SUCO: variants seen among roughly 807,000 people sequenced by gnomAD.
SUCO encodes SUN domain containing ossification factor.
In SUCO, 57 loss-of-function variants were observed where a neutral mutation model predicts 148.1. The observed-to-expected ratio is 0.38, with a 90% CI of 0.31 to 0.48. The LOEUF (loss-of-function observed/expected upper bound fraction) is 0.48. Among genes scored for constraint, SUCO ranks in the 20% least tolerant of loss-of-function variants. The pLI is 0.96. For synonymous variants in SUCO, 470 were observed against 502.7 expected, an observed-to-expected ratio of 0.93 and a Z score of 0.87; for missense variants, 1,331 against 1,468.2, an observed-to-expected ratio of 0.91 and a Z score of 1.53.
At chr1:172,554,409 C>T (rs548298658) in intron 3 of SUCO, among the ~76,000 whole-genome samples, 8 of 152,254 alleles carry the variant, frequency 5.3e-5, no homozygotes, top group African/African-American at 1.9e-4. Flanking sequence ...GGCCATTAAG[C>T]ACTTGAAATG....
At chr1:172,551,145 G>T (rs1653267521) in intron 1 of SUCO, among the ~76,000 whole-genome samples, 1 of 152,002 alleles carries the variant, frequency 6.6e-6, no homozygotes, top group Non-Finnish European at 1.5e-5. Context: ...GGTAACTTTA[G>T]GATTATCTGT....
intron 6 of SUCO, among the ~76,000 whole-genome samples, chr1:172,566,112 T>C (rs1654535887): frequency 6.6e-6 from 1 of 152,202 alleles, no homozygotes; most frequent in Admixed American, 6.5e-5. Flanking sequence ...GCAGTGGCAT[T>C]ATGGCCACTT....
intron 1 of SUCO, chr1:172,541,858 A>G (rs985145689): frequency 1.0e-6 from 1 of 982,244 alleles, no homozygotes; most frequent in Admixed American, 6.1e-5. Flanking sequence ...AATCTGTGAA[A>G]TAAAGTTCAA....
At chr1:172,581,815 T>A (rs946280510) in intron 15 of SUCO, among the ~76,000 whole-genome samples, 4 of 152,214 alleles carry the variant, frequency 2.6e-5, no homozygotes, top group African/African-American at 9.6e-5. Context: ...TTACTAGTTA[T>A]AGGAAATATG....
intron 6 of SUCO, among the ~76,000 whole-genome samples, chr1:172,559,610 A>T (rs1179991011): frequency 6.6e-6 from 1 of 152,204 alleles, no homozygotes; most frequent in African/African-American, 2.4e-5. Context: ...TTGTGCCCAG[A>T]ATAGCAGCTC....
At chr1:172,579,572 A>G (rs1418548900) in intron 15 of SUCO, among the ~76,000 whole-genome samples, 2 of 152,084 alleles carry the variant, frequency 1.3e-5, no homozygotes, top group Non-Finnish European at 2.9e-5. Flanking sequence ...AGAATTATTA[A>G]AACAGTCATA....
chr1:172,579,036 T>G (rs1199000862), intron 14 of SUCO, among the ~76,000 whole-genome samples, 166 bp from the exon 15 acceptor site: 1 of 152,102 alleles, frequency 6.6e-6, no homozygotes, highest in Non-Finnish European at 1.5e-5. Context: ...AAATGGTTTC[T>G]TAATCTTACA....
At chr1:172,537,281 G>GA (rs897836786) in intron 1 of SUCO, among the ~76,000 whole-genome samples, 2 of 151,870 alleles carry the variant, frequency 1.3e-5, no homozygotes, top group Admixed American at 6.6e-5. Context: ...AGAAAAATGA[G>GA]AAAAAAATAA....
At chr1:172,532,792 A>G (rs375093898), upstream of SUCO, 1 of 1,609,310 alleles carries the variant, frequency 6.2e-7, no homozygotes, top group Non-Finnish European at 8.5e-7. Flanking sequence ...CGCGCGAGGG[A>G]CGAAGGGCGG....
chr1:172,579,191 GTTT>G lies in SUCO; in HGVS notation c.1433-8_1433-6del. The G allele has an allele frequency of 2.0e-6, 3 of 1,519,852 alleles. No individual in the cohort carries two copies. The highest frequency in any genetic ancestry group is 2.7e-6 in the Non-Finnish European group (3 of 1,099,172). The allele number at this position is 1,519,852 out of a possible 1,614,324, so 94.1% of individuals were successfully genotyped here. A position where few individuals can be genotyped will look rare whatever the true frequency, so the allele number is the denominator to read the frequency against. On this transcript the variant is annotated splice_polypyrimidine_tract_variant and splice_region_variant and intron_variant, in intron 14 of 23. Transcript: ENST00000263688. ...TCTCAGCATAATTACTTTTATTTTC[GTTT>G]TTAACAGATTATCCACTGGATTATA...
intron 15 of SUCO, among the ~76,000 whole-genome samples, chr1:172,584,078 C>T (rs887181766): frequency 1.3e-5 from 2 of 152,102 alleles, no homozygotes; most frequent in African/African-American, 4.8e-5. Flanking sequence ...AATTTGTATG[C>T]TTTATGATTT....
At position 172,533,452 on chromosome 1, in the gene SUCO, G is replaced by C. The variant is rs912562250; in HGVS notation, c.17G>C (p.Arg6Pro). Reference protein sequence around the residue: MKKHRRALALVSCLFL... With the variant: MKKHRPALALVSCLFL... ...GAGGAGAAGATGAAGAAGCACCGGC[G>C]GGCCTTGGCCCTGGTCTCCTGCCTC... Residue 6 changes from arginine to proline, a missense_variant, in exon 1 of 24, where the codon CGG (arginine) becomes CCG (proline). Transcript: ENST00000263688. 1.3e-6 allele frequency: 2 copies of C among 1,565,896 alleles called. No individual in the cohort carries two copies. The highest frequency in any genetic ancestry group is 1.7e-6 in the Non-Finnish European group (2 of 1,155,028).
chr1:172,597,350 G>A (rs954501000), intron 19 of SUCO, among the ~76,000 whole-genome samples: 6 of 152,196 alleles, frequency 3.9e-5, no homozygotes, highest in Admixed American at 1.3e-4. Flanking sequence ...GAAATCACCC[G>A]TCTTCTGCGT....
chr1:172,551,424 C>A, intron 1 of SUCO, 88 bp from the exon 2 acceptor site: 1 of 707,068 alleles, frequency 1.4e-6, no homozygotes, highest in South Asian at 2.1e-5. Context: ...AAATTCTAGC[C>A]CATATAGAAA....
intron 14 of SUCO, 75 bp from the exon 15 acceptor site, chr1:172,579,101 TAAATGTCAGCTGACTTTGACAGGACA>T: frequency 1.5e-6 from 1 of 661,776 alleles, no homozygotes; most frequent in South Asian, 1.8e-5. Context: ...TAAAATGTTT[TAAATGTCAGCTGACTTTGACAGGACA>T]TAATTTGAGC....
intron 22 of SUCO, among the ~76,000 whole-genome samples, chr1:172,603,397 ATATTT>A (rs1277019600): frequency 6.6e-5 from 10 of 152,138 alleles, no homozygotes; most frequent in African/African-American, 2.2e-4. Flanking sequence ...AATTAATTAC[ATATTT>A]TATTTAGGAG....
chr1:172,588,554 G>T, intron 17 of SUCO: 2 of 985,104 alleles, frequency 2.0e-6, no homozygotes, highest in Non-Finnish European at 1.2e-6. Flanking sequence ...CTAGTCACTT[G>T]ATAAATAGTA....
At chr1:172,547,936 A>G (rs1412163757) in intron 1 of SUCO, among the ~76,000 whole-genome samples, 1 of 152,116 alleles carries the variant, frequency 6.6e-6, no homozygotes, top group Admixed American at 6.5e-5. Context: ...ATGAGTGAGC[A>G]TGGGCAAATG....
At chr1:172,553,101 A>C (rs1192754449) in intron 2 of SUCO, 159 bp from the exon 3 acceptor site, 1 of 424,856 alleles carries the variant, frequency 2.4e-6, no homozygotes, top group Non-Finnish European at 3.1e-6. Context: ...GATTCAAGGA[A>C]ATAGACAATA....
Sources: allele counts gnomAD v4.1 joint callset (sites outside exome capture counted in the v4.1 genomes callset), GRCh38; gene constraint gnomAD v4.1.1; transcripts MANE v1.5; gene names NCBI Gene and HGNC (gene_info 2026-07-23, HGNC 2026-07-21).